Variants in REDIC1 observed in about 807,000 individuals in gnomAD.
The protein encoded by REDIC1 is regulator of DNA class I crossover intermediates 1, also known as HEI10 Interacting Protein 1.
the REDIC1 span, among the ~76,000 whole-genome samples, chr12:39,654,106 A>G: frequency 6.8e-6 from 1 of 147,714 alleles, no homozygotes; most frequent in Non-Finnish European, 1.5e-5. Flanking sequence ...TGTTTTTGTA[A>G]GTGTCCTTTA....
chr12:39,789,263 C>T, the REDIC1 span, among the ~76,000 whole-genome samples: 5 of 152,070 alleles, frequency 3.3e-5, no homozygotes, highest in African/African-American at 9.7e-5. Context: ...CCTAAAAATA[C>T]ATATCACTTG....
chr12:39,866,186 T>C, the REDIC1 span, among the ~76,000 whole-genome samples: 1 of 152,176 alleles, frequency 6.6e-6, no homozygotes, highest in African/African-American at 2.4e-5. Context: ...ATATTCAAAA[T>C]AGATTTTAAA....
chr12:39,832,156 G>A, the REDIC1 span, among the ~76,000 whole-genome samples: 10 of 152,118 alleles, frequency 6.6e-5, no homozygotes, highest in Non-Finnish European at 1.2e-4. Context: ...CCACACTGGT[G>A]ATAAGCACAC....
chr12:39,695,895 T>C, the REDIC1 span, among the ~76,000 whole-genome samples: 2 of 152,170 alleles, frequency 1.3e-5, no homozygotes, highest in Non-Finnish European at 2.9e-5. Flanking sequence ...TTCAGATGGC[T>C]GAGAACAGAG....
At chr12:39,868,390 A>G in the REDIC1 span, among the ~76,000 whole-genome samples, 21 of 152,206 alleles carry the variant, frequency 1.4e-4, no homozygotes, top group Admixed American at 1.4e-3. Context: ...TTATTAGTAA[A>G]TACTCAAAAA....
the REDIC1 span, among the ~76,000 whole-genome samples, chr12:39,670,757 T>A: frequency 3.0e-5 from 4 of 134,340 alleles, no homozygotes; most frequent in Admixed American, 7.5e-5. Flanking sequence ...TTTTTTTTTT[T>A]AAATTCATCT....
At chr12:39,722,510 T>C in the REDIC1 span, among the ~76,000 whole-genome samples, 7 of 152,162 alleles carry the variant, frequency 4.6e-5, no homozygotes, top group Non-Finnish European at 8.8e-5. Flanking sequence ...CAGTGAACAC[T>C]GATACATAGA....
the REDIC1 span, among the ~76,000 whole-genome samples, chr12:39,714,535 T>C: frequency 4.0e-5 from 6 of 151,528 alleles, no homozygotes; most frequent in Non-Finnish European, 5.9e-5. Context: ...AGTATCTTTT[T>C]TGAATTTTTT....
chr12:39,653,105 T>G, the REDIC1 span, among the ~76,000 whole-genome samples: 6 of 152,146 alleles, frequency 3.9e-5, no homozygotes, highest in Non-Finnish European at 7.4e-5. Context: ...AGAGATTATG[T>G]TGAATTTATA....
chr12:39,871,822 T>G, the REDIC1 span: 4 of 1,610,938 alleles, frequency 2.5e-6, no homozygotes, highest in Non-Finnish European at 3.4e-6. Flanking sequence ...AAGGTAAGCT[T>G]TCTGCGGCCC....
the REDIC1 span, among the ~76,000 whole-genome samples, chr12:39,654,259 A>G: frequency 2.6e-5 from 4 of 152,078 alleles, no homozygotes; most frequent in Admixed American, 1.3e-4. Context: ...ATTTATTTTC[A>G]GGTGTCAAAC....
chr12:39,702,234 A>C, the REDIC1 span, among the ~76,000 whole-genome samples: 1 of 152,334 alleles, frequency 6.6e-6, no homozygotes, highest in East Asian at 1.9e-4. Context: ...AGACGCAATA[A>C]AAAATGATAA....
chr12:39,723,819 AT>A, the REDIC1 span, among the ~76,000 whole-genome samples: 1 of 152,152 alleles, frequency 6.6e-6, no homozygotes, highest in Non-Finnish European at 1.5e-5. Context: ...GGAAGTTTCC[AT>A]CTGTAATAAG....
the REDIC1 span, among the ~76,000 whole-genome samples, chr12:39,712,065 TATATATACCGGTATGTATATATACATAC>T: frequency 3.6e-5 from 1 of 27,718 alleles, no homozygotes; most frequent in Admixed American, 4.2e-4. Flanking sequence ...TATATACATG[TATATATACCGGTATGTATATATACATAC>T]ATATATACCT....
At chr12:39,632,657 C>A in the REDIC1 span, among the ~76,000 whole-genome samples, 1 of 152,078 alleles carries the variant, frequency 6.6e-6, no homozygotes, top group African/African-American at 2.4e-5. Context: ...GTGTAAACAT[C>A]ATAGACTGTG....
At chr12:39,697,052 A>T in the REDIC1 span, among the ~76,000 whole-genome samples, 1 of 152,186 alleles carries the variant, frequency 6.6e-6, no homozygotes. Flanking sequence ...CCCAAAGAAG[A>T]CTACCTCAAG....
At chr12:39,785,104 G>T in the REDIC1 span, among the ~76,000 whole-genome samples, 1 of 152,128 alleles carries the variant, frequency 6.6e-6, no homozygotes, top group East Asian at 1.9e-4. Flanking sequence ...AGTAGCAAGG[G>T]GCCTAATGTG....
chr12:39,708,114 C>A, the REDIC1 span, among the ~76,000 whole-genome samples: 3 of 150,946 alleles, frequency 2.0e-5, no homozygotes, highest in African/African-American at 7.3e-5. Context: ...AACAGGGTAG[C>A]TATAGTGAAT....
At chr12:39,816,828 G>A in the REDIC1 span, among the ~76,000 whole-genome samples, 1 of 152,020 alleles carries the variant, frequency 6.6e-6, no homozygotes, top group African/African-American at 2.4e-5. Context: ...ATGCTTTACT[G>A]AATTCAGAAG....
Sources: gnomAD v4.1 joint callset for allele counts (sites outside exome capture counted in the v4.1 genomes callset) on GRCh38, gnomAD v4.1.1 for gene constraint, MANE v1.5 for transcripts, NCBI Gene and HGNC (gene_info 2026-07-23, HGNC 2026-07-21) for gene names.